Variants in CABIN1 observed in about 807,000 individuals in gnomAD.
The protein encoded by CABIN1 is calcineurin-binding protein cabin-1.
Under a neutral mutation model 227.7 loss-of-function variants are expected in CABIN1, and 133 were observed. The observed-to-expected ratio is 0.58, with a 90% CI of 0.51 to 0.67. The LOEUF is 0.67. Ranked by LOEUF, CABIN1 falls within the 30% of genes least tolerant of loss-of-function variation. The pLI is 0.00. For synonymous variants in CABIN1, 1,086 were observed against 1,155.1 expected (o/e 0.94, Z 1.21); for missense variants, 2,408 against 2,852.5 (o/e 0.84, Z 3.55).
Position 24,085,150 on chromosome 22 carries a change from A to G in CABIN1, c.3262A>G (p.Arg1088Gly), listed in dbSNP as rs1252916368. The change falls in exon 22 of 37, where the codon AGG (arginine) becomes GGG (glycine). Residue 1088 changes from arginine (R) to glycine (G), a missense_variant and splice_region_variant. Coordinates refer to ENST00000263119, the MANE Select transcript of CABIN1 (RefSeq NM_012295.4). ...GCATGACATCTGCATCTGCCCCAAT[A>G]GGTCAGTGACCAGATCATGAGGCTA... ...YMHDICICPN[R>G]FDSWAGMALA... is the part of the protein sequence containing the mutation. 1 of 1,614,190 alleles carries G rather than the reference A, an allele frequency of 6.2e-7. No individual in the cohort carries two copies. Among genetic ancestry groups the G allele is most frequent in the Non-Finnish European group, 8.5e-7 (1 of 1,180,024 alleles).
At chr22:24,157,027 C>A (rs2045871003) in intron 29 of CABIN1, among the ~76,000 whole-genome samples, 1 of 152,086 alleles carries the variant, frequency 6.6e-6, no homozygotes, top group Non-Finnish European at 1.5e-5. Context: ...GAATCCCTTG[C>A]CCTCAGTAGC....
intron 19 of CABIN1, among the ~76,000 whole-genome samples, chr22:24,079,353 T>C (rs777366257): frequency 7.2e-5 from 11 of 152,236 alleles, no homozygotes; most frequent in African/African-American, 2.7e-4. Flanking sequence ...AATGATATTA[T>C]GGTTAACGTC....
At chr22:24,165,415 A>G in intron 30 of CABIN1, 115 bp from the exon 31 acceptor site, 1 of 950,540 alleles carries the variant, frequency 1.1e-6, no homozygotes, top group Non-Finnish European at 1.7e-6. Context: ...TAGGTGGAAC[A>G]CTGAGGAACA....
intron 15 of CABIN1, among the ~76,000 whole-genome samples, chr22:24,065,451 G>A (rs1430569910): frequency 3.3e-5 from 5 of 151,990 alleles, no homozygotes; most frequent in African/African-American, 1.2e-4. Flanking sequence ...ACGATGGGCG[G>A]CCGGGCAGAG....
At chr22:24,060,368 C>T (rs891066014) in intron 12 of CABIN1, among the ~76,000 whole-genome samples, 6 of 152,068 alleles carry the variant, frequency 3.9e-5, no homozygotes, top group Non-Finnish European at 5.9e-5. Flanking sequence ...AGTGGGCTCA[C>T]GGGGCTATCA....
chr22:24,116,724 A>G (rs1027131438), intron 27 of CABIN1, among the ~76,000 whole-genome samples: 1 of 152,182 alleles, frequency 6.6e-6, no homozygotes, highest in Non-Finnish European at 1.5e-5. Context: ...AGGCTTTTCC[A>G]TAATGAGGCC....
At chr22:24,142,828 G>A (rs919138271) in intron 29 of CABIN1, among the ~76,000 whole-genome samples, 4 of 152,176 alleles carry the variant, frequency 2.6e-5, no homozygotes, top group Non-Finnish European at 4.4e-5. Context: ...TCTCTCATCA[G>A]GGCCAGGGAA....
intron 31 of CABIN1, among the ~76,000 whole-genome samples, chr22:24,165,891 C>G (rs2046417524): frequency 6.6e-6 from 1 of 152,220 alleles, no homozygotes; most frequent in African/African-American, 2.4e-5. Flanking sequence ...TCCCCAAGGG[C>G]TGCACCACCC....
At chr22:24,037,034 T>C (rs1051889020) in intron 3 of CABIN1, among the ~76,000 whole-genome samples, 11 of 151,772 alleles carry the variant, frequency 7.2e-5, no homozygotes, top group Middle Eastern at 3.4e-3. Flanking sequence ...CTGAGGTGAG[T>C]GGATCACTTG....
chr22:24,050,045 C>T (rs2038206390), intron 7 of CABIN1, among the ~76,000 whole-genome samples: 2 of 152,194 alleles, frequency 1.3e-5, no homozygotes, highest in South Asian at 4.1e-4. Flanking sequence ...TGCCCTTCCC[C>T]ACAGCCCTCC....
At chr22:24,133,975 C>T (rs1467763572) in intron 28 of CABIN1, among the ~76,000 whole-genome samples, 1 of 152,198 alleles carries the variant, frequency 6.6e-6, no homozygotes, top group Non-Finnish European at 1.5e-5. Flanking sequence ...TGTGGGGGCC[C>T]CCTGACAGAA....
intron 23 of CABIN1, 96 bp downstream of exon 23, chr22:24,087,809 T>C: frequency 6.8e-7 from 1 of 1,477,172 alleles, no homozygotes; most frequent in South Asian, 1.2e-5. Context: ...ACTTTATTCT[T>C]GTCCACACAT....
intron 27 of CABIN1, among the ~76,000 whole-genome samples, chr22:24,116,475 G>A (rs896261668): frequency 5.9e-5 from 9 of 152,188 alleles, no homozygotes; most frequent in African/African-American, 2.4e-5. Context: ...AATGGTTGTC[G>A]GTGGGGGGAG....
chr22:24,061,216 C>T (rs78516203), intron 12 of CABIN1, among the ~76,000 whole-genome samples: 3,467 of 152,350 alleles, frequency 0.023, 55 homozygotes, highest in Non-Finnish European at 0.036. Context: ...ACCCCAGCCT[C>T]CTCCACTTGG....
At position 24,166,646 on chromosome 22, in the gene CABIN1, A is replaced by G; in HGVS notation, c.5015A>G (p.Glu1672Gly). 1.2e-6 allele frequency: 2 copies of G among 1,612,798 alleles called. No homozygotes were observed. The highest frequency in any genetic ancestry group is 1.7e-6 in the Non-Finnish European group (2 of 1,179,946). The change falls in exon 32 of 37, where the codon GAA becomes GGA. Residue 1672 changes from glutamate to glycine, a missense_variant. By Grantham distance (98) the Glu-to-Gly change is moderately conservative (BLOSUM62 -2). Coordinates refer to ENST00000263119, the MANE Select transcript of CABIN1 (RefSeq NM_012295.4). Reference protein sequence around the residue: ...DTLSELAEGSERPGPKVCGLP... With the variant: ...DTLSELAEGSGRPGPKVCGLP... ...CCTTTGGTTTCTTTGTAGGGGTCAGAACGCCCAGGGCCCAAGGTCTGTGGC... is the reference window on the plus strand; with the variant it reads ...CCTTTGGTTTCTTTGTAGGGGTCAGGACGCCCAGGGCCCAAGGTCTGTGGC...
At chr22:24,063,882 C>T (rs1164976631) in intron 14 of CABIN1, among the ~76,000 whole-genome samples, 153 bp from the exon 15 acceptor site, 1 of 152,206 alleles carries the variant, frequency 6.6e-6, no homozygotes, top group Non-Finnish European at 1.5e-5. Flanking sequence ...GCCCAAGCTA[C>T]ATGCCAGGCC....
At chr22:24,128,661 A>G (rs561349804) in intron 28 of CABIN1, among the ~76,000 whole-genome samples, 2 of 152,342 alleles carry the variant, frequency 1.3e-5, no homozygotes, top group East Asian at 3.9e-4. Flanking sequence ...TCCCTGGCCA[A>G]GCCCTCCACC....
At chr22:24,046,018 G>T (rs564791353) in intron 6 of CABIN1, among the ~76,000 whole-genome samples, 18 of 152,264 alleles carry the variant, frequency 1.2e-4, no homozygotes, top group Middle Eastern at 6.8e-3. Flanking sequence ...GGTTACTTTG[G>T]GTCCCTTCCA....
intron 7 of CABIN1, 53 bp from the exon 8 acceptor site, chr22:24,050,772 C>T (rs2038263257): frequency 6.2e-7 from 1 of 1,607,562 alleles, no homozygotes. Context: ...AAAATTTCAG[C>T]CTCAGTTTTA....
Sources: gnomAD v4.1 joint callset for allele counts (sites outside exome capture counted in the v4.1 genomes callset) on GRCh38, gnomAD v4.1.1 for gene constraint, MANE v1.5 for transcripts, NCBI Gene and HGNC (gene_info 2026-07-23, HGNC 2026-07-21) for gene names.